Variants in ANKRD12 observed in about 807,000 individuals in gnomAD.
ANKRD12 encodes ankyrin repeat domain 12.
ANKRD12 carries 85 observed loss-of-function variants against 183.4 expected under a neutral mutation model. The ratio of observed to expected loss-of-function variants is 0.46; its 90% CI spans 0.39 to 0.56. The LOEUF is 0.56. Among genes scored for constraint, ANKRD12 ranks in the 20% least tolerant of loss-of-function variants. The pLI is 0.00. For missense variants in ANKRD12, 2,405 were observed against 2,357.1 expected (o/e 1.02, Z -0.42); for synonymous variants, 914 against 800.2 (o/e 1.14, Z -2.40).
chr18:9,220,968 G>A (rs981982927), intron 7 of ANKRD12, among the ~76,000 whole-genome samples: 2 of 152,068 alleles, frequency 1.3e-5, no homozygotes. Context: ...CAGCTGCAAG[G>A]GCAGATGTCT....
At chr18:9,180,636 A>G (rs1002856251) in intron 1 of ANKRD12, among the ~76,000 whole-genome samples, 6 of 152,122 alleles carry the variant, frequency 3.9e-5, no homozygotes, top group African/African-American at 1.2e-4. Flanking sequence ...GGATTACAGT[A>G]TACATCTTGC....
chr18:9,208,493 T>A (rs557663434), intron 4 of ANKRD12, among the ~76,000 whole-genome samples, 164 bp from the exon 5 acceptor site: 1 of 152,274 alleles, frequency 6.6e-6, no homozygotes, highest in East Asian at 1.9e-4. Flanking sequence ...GAAAATTGTT[T>A]ATATAATATA....
At chr18:9,208,890 T>G in intron 5 of ANKRD12, 87 bp downstream of exon 5, 1 of 1,241,864 alleles carries the variant, frequency 8.1e-7, no homozygotes, top group South Asian at 2.2e-5. Flanking sequence ...TTTAACTACT[T>G]TTAATTTTTA....
chr18:9,176,462 T>C (rs910150518), intron 1 of ANKRD12, among the ~76,000 whole-genome samples: 2 of 152,032 alleles, frequency 1.3e-5, no homozygotes, highest in Admixed American at 6.5e-5. Context: ...AGCTAATTTT[T>C]TAATTTTTTG....
At chr18:9,261,978 C>T (rs1221799751) in intron 9 of ANKRD12, among the ~76,000 whole-genome samples, 2 of 152,192 alleles carry the variant, frequency 1.3e-5, no homozygotes, top group East Asian at 1.9e-4. Flanking sequence ...AAGTTTAAAG[C>T]AGTTCACAGG....
chr18:9,145,079 C>T (rs189128414), intron 1 of ANKRD12, among the ~76,000 whole-genome samples: 108 of 152,008 alleles, frequency 7.1e-4, no homozygotes, highest in Non-Finnish European at 1.3e-3. Flanking sequence ...CTGAATTTTC[C>T]AGTTTTACCA....
chr18:9,264,659 A>G (rs2039174468), intron 10 of ANKRD12, among the ~76,000 whole-genome samples: 1 of 152,238 alleles, frequency 6.6e-6, no homozygotes, highest in South Asian at 2.1e-4. Flanking sequence ...AATGAAAGAA[A>G]GAAGCACAAT....
At chr18:9,205,941 T>G (rs2144569981) in intron 4 of ANKRD12, among the ~76,000 whole-genome samples, 1 of 152,224 alleles carries the variant, frequency 6.6e-6, no homozygotes, top group African/African-American at 2.4e-5. Context: ...TCTCTTCTCC[T>G]TAATAAGTAC....
At chr18:9,157,585 G>GTGTGTGTGTGTGTGTATATA (rs1472659778) in intron 1 of ANKRD12, among the ~76,000 whole-genome samples, 2 of 92,706 alleles carry the variant, frequency 2.2e-5, no homozygotes, top group African/African-American at 5.3e-5. Context: ...GTGTGTGTGT[G>GTGTGTGTGTGTGTGTATATA]TATATATATA....
At position 9,255,404 on chromosome 18, in the gene ANKRD12, A is replaced by G. The variant is rs1375829454; in HGVS notation, c.2137A>G (p.Met713Val). The change falls in exon 9 of 13, where the codon ATG (methionine) becomes GTG (valine). Residue 713 changes from methionine to valine, a missense_variant. Met to Val is a conservative substitution (Grantham distance 21). Coordinates refer to ENST00000262126, the MANE Select transcript of ANKRD12 (RefSeq NM_015208.5). ...SDETEDLFLN[M>V]EHESLTLEKK... ...TGAAACTGAAGATCTCTTTTTAAAT[A>G]TGGAACATGAATCCTTAACATTAGA... 3 of 1,587,088 alleles carry G rather than the reference A, an allele frequency of 1.9e-6. No homozygotes were observed. The highest frequency in any genetic ancestry group is 2.6e-6 in the Non-Finnish European group (3 of 1,172,292).
Position 9,255,165 on chromosome 18 carries a change from T to C in ANKRD12, c.1898T>C (p.Phe633Ser), listed in dbSNP as rs748111493. The change falls in exon 9 of 13, where the codon TTT becomes TCT. Residue 633 changes from phenylalanine (F) to serine (S), a missense_variant. Physicochemically the swap from Phe to Ser is radical, Grantham distance 155. Around this residue, in one of 7 missense-constraint regions of ANKRD12, gnomAD observed 1,983 missense variants for 1,725.9 expected, o/e 1.15. Transcript: ENST00000262126. The stretch of plus-strand genomic sequence containing the variant: ...AAGGATGAAGATCATAGTCCAACAT[T>C]TGAAAATTCAGATTGCACACTGAAA... ...KIKDEDHSPT[F>S]ENSDCTLKKM... is the part of the protein sequence containing the mutation. The C allele has an allele frequency of 1.3e-6, 2 of 1,584,290 alleles. No homozygotes were observed. The highest frequency in any genetic ancestry group is 2.3e-5 in the East Asian group (1 of 44,060).
At chr18:9,188,726 A>T (rs911254444) in intron 2 of ANKRD12, among the ~76,000 whole-genome samples, 1 of 152,136 alleles carries the variant, frequency 6.6e-6, no homozygotes, top group Non-Finnish European at 1.5e-5. Context: ...CATATTTCCA[A>T]CTTTTTCATT....
rs1686803852 is a variant in ANKRD12 at position 9,191,218 on chromosome 18, A to G, written c.88-4333A>G. Among the ~76,000 whole-genome samples the G allele has an allele frequency of 2.6e-5, 4 of 152,238 alleles. No homozygotes were observed. In the South Asian group the frequency reaches 8.3e-4, roughly 32 times the overall value. On this transcript the variant is annotated intron_variant, in intron 2 of 12. Transcript: ENST00000262126. ...TTAAGATAATAAACCTAACAGAGTT[A>G]TGGGCCTAGGATGTGCTAATGAGCC...
At chr18:9,244,859 T>TCC (rs1164672651) in intron 8 of ANKRD12, among the ~76,000 whole-genome samples, 2 of 152,178 alleles carry the variant, frequency 1.3e-5, no homozygotes, top group African/African-American at 4.8e-5. Flanking sequence ...CCAAGTTAAT[T>TCC]AAGTCAGATA....
At chr18:9,195,362 T>C (rs191192430) in intron 2 of ANKRD12, among the ~76,000 whole-genome samples, 189 bp from the exon 3 acceptor site, 21 of 152,294 alleles carry the variant, frequency 1.4e-4, no homozygotes, top group African/African-American at 4.8e-4. Context: ...AATTATGTTA[T>C]TAAATAAGAG....
intron 1 of ANKRD12, among the ~76,000 whole-genome samples, chr18:9,156,416 GAC>G (rs2030475772): frequency 6.6e-6 from 1 of 152,128 alleles, no homozygotes; most frequent in South Asian, 2.1e-4. Context: ...AGAATGGAAA[GAC>G]AGAGTATTGG....
chr18:9,228,192 A>G (rs749149548), intron 8 of ANKRD12, among the ~76,000 whole-genome samples: 1 of 152,130 alleles, frequency 6.6e-6, no homozygotes, highest in Admixed American at 6.5e-5. Context: ...ACTCTAGTGT[A>G]TATATGCACC....
chr18:9,259,329 C>CA (rs2038826420), intron 9 of ANKRD12: 1 of 155,846 alleles, frequency 6.4e-6, no homozygotes, highest in Non-Finnish European at 1.4e-5. Context: ...AATTTATACA[C>CA]ATTTATGTTA....
intron 1 of ANKRD12, among the ~76,000 whole-genome samples, chr18:9,160,533 T>TA (rs1374450115): frequency 6.6e-6 from 1 of 152,246 alleles, no homozygotes; most frequent in Non-Finnish European, 1.5e-5. Flanking sequence ...TTGTAACCAT[T>TA]AAGCAGTCAC....
Sources: gnomAD v4.1 joint callset for allele counts (sites outside exome capture counted in the v4.1 genomes callset) on GRCh38, gnomAD v4.1.1 for gene constraint, gnomAD v4.1.1 regional missense constraint, MANE v1.5 for transcripts, NCBI Gene and HGNC (gene_info 2026-07-23, HGNC 2026-07-21) for gene names.